The following DEPDC5 variants were observed in gnomAD, a reference collection of about 807,000 sequenced individuals.
DEPDC5 encodes GATOR1 complex protein DEPDC5.
DEPDC5 carries 73 observed loss-of-function variants against 217.3 expected under a neutral mutation model. The ratio of observed to expected loss-of-function variants is 0.34; its 90% CI spans 0.28 to 0.41. DEPDC5 has a LOEUF of 0.41. DEPDC5 is among the 10% of genes least tolerant of loss of function. DEPDC5 has a pLI of 1.00. For missense variants in DEPDC5, 1,675 were observed against 2,070.1 expected (o/e 0.81, Z 3.70); for synonymous variants, 733 against 756.7 (o/e 0.97, Z 0.51).
At chr22:31,847,089 C>T (rs187806615) in intron 31 of DEPDC5, 122 bp downstream of exon 31, 264 of 1,401,068 alleles carry the variant, frequency 1.9e-4, no homozygotes, top group Admixed American at 8.9e-4. Context: ...AGGGAGAAGG[C>T]ATTTATGTGA....
chr22:31,815,807 G>T, intron 21 of DEPDC5: 1 of 1,236,840 alleles, frequency 8.1e-7, no homozygotes, highest in Non-Finnish European at 1.0e-6. Flanking sequence ...GAGATTACAG[G>T]CATGAACCAA....
chr22:31,759,905 A>G (rs561329572), intron 3 of DEPDC5, among the ~76,000 whole-genome samples: 8 of 149,040 alleles, frequency 5.4e-5, no homozygotes, highest in Admixed American at 2.7e-4. Flanking sequence ...CTGGTCTCGA[A>G]CTCCTGACCT....
At position 31,837,353 on chromosome 22, in the gene DEPDC5, T is replaced by C; in HGVS notation, c.2354+198T>C. 35 of 175,038 alleles carry C rather than the reference T, an allele frequency of 2.0e-4. No homozygotes were observed. In the South Asian group the frequency reaches 2.3e-3, roughly 12 times the overall value. The allele number at this position is 175,038 out of a possible 1,614,324, so 10.8% of individuals were successfully genotyped here. A position where few individuals can be genotyped will look rare whatever the true frequency, so the allele number is the denominator to read the frequency against. The stretch of plus-strand genomic sequence containing the variant: ...AATTGTATTTTATCTTTTTTTTTCC[T>C]TTTTTTTTTTTAACTGAGAGAGGGT... On this transcript the variant is annotated intron_variant, in intron 26 of 42. Transcript: ENST00000651528.
At position 31,881,686 on chromosome 22, in the gene DEPDC5, A is replaced by T. The variant is rs536387649; in HGVS notation, c.4033+1934A>T. ...ATAAGGCCAGGCATGTGGCTCATGC[A>T]TGTAATCCCAGCACTTTGGGAGGCT... is the stretch of plus-strand genomic sequence containing the variant. On this transcript the variant is annotated intron_variant, in intron 38 of 42. Transcript: ENST00000651528. 5.7e-4 allele frequency among the ~76,000 whole-genome samples: 86 copies of T among 151,950 alleles called. 1 individual carries two copies. Among genetic ancestry groups the T allele is most frequent in the Middle Eastern group, 6.8e-3 (2 of 292 alleles).
At chr22:31,888,737 A>G (rs1179204230) in intron 38 of DEPDC5, among the ~76,000 whole-genome samples, 1 of 151,820 alleles carries the variant, frequency 6.6e-6, no homozygotes, top group Admixed American at 6.6e-5. Flanking sequence ...TTTTGTGGAG[A>G]CAGGGTCTTT....
intron 8 of DEPDC5, 99 bp from the exon 9 acceptor site, chr22:31,783,808 T>C: frequency 9.9e-7 from 1 of 1,011,974 alleles, no homozygotes; most frequent in Non-Finnish European, 1.5e-6. Flanking sequence ...GTTAAGAACA[T>C]TTACACTGTT....
intron 8 of DEPDC5, among the ~76,000 whole-genome samples, chr22:31,781,849 A>G (rs2084481255): frequency 6.6e-6 from 1 of 152,104 alleles, no homozygotes; most frequent in Non-Finnish European, 1.5e-5. Context: ...AGCCAGGGCA[A>G]CAGAGGGAGA....
At chr22:31,760,426 G>C (rs567523772) in intron 3 of DEPDC5, among the ~76,000 whole-genome samples, 3 of 152,128 alleles carry the variant, frequency 2.0e-5, no homozygotes, top group South Asian at 4.2e-4. Flanking sequence ...GGATGGTCTC[G>C]ATCTCCTGAC....
intron 6 of DEPDC5, among the ~76,000 whole-genome samples, 161 bp downstream of exon 6, chr22:31,766,829 TTCTTTTGA>T (rs1224724034): frequency 6.6e-6 from 1 of 152,204 alleles, no homozygotes; most frequent in Non-Finnish European, 1.5e-5. Flanking sequence ...CTTTTCACTG[TTCTTTTGA>T]TCTTTTGTTT....
At position 31,821,500 on chromosome 22, in the gene DEPDC5, A is replaced by G; in HGVS notation, c.1871-2A>G. 1.9e-6 allele frequency: 3 copies of G among 1,614,154 alleles called. No individual in the cohort carries two copies. Among genetic ancestry groups the G allele is most frequent in the African/African-American group, 1.3e-5 (1 of 75,074 alleles). On this transcript the variant is annotated splice_acceptor_variant, in intron 22 of 42. Transcript: ENST00000651528. LOFTEE classifies it high-confidence loss of function. ...ATGCTCAGTGGTTCTTTATCTGGGT[A>G]GGGCCATCCGGAGAAGCCATCCAGA...
chr22:31,842,753 C>G (rs1351180766), intron 27 of DEPDC5, among the ~76,000 whole-genome samples: 1 of 152,118 alleles, frequency 6.6e-6, no homozygotes, highest in African/African-American at 2.4e-5. Flanking sequence ...GCAGCTTATG[C>G]TGGTGTAGTA....
intron 7 of DEPDC5, among the ~76,000 whole-genome samples, chr22:31,777,098 G>C (rs2083942109): frequency 6.7e-6 from 1 of 150,184 alleles, no homozygotes; most frequent in Non-Finnish European, 1.5e-5. Context: ...TAAGTAGCTG[G>C]GTCTATAGGT....
At chr22:31,804,063 GCTTT>G in intron 15 of DEPDC5, 95 bp from the exon 16 acceptor site, 2 of 1,134,382 alleles carry the variant, frequency 1.8e-6, no homozygotes, top group Non-Finnish European at 2.6e-6. Context: ...TGGTAAGTTA[GCTTT>G]GCCTACTACC....
chr22:31,778,177 T>C lies in DEPDC5; in HGVS notation c.483+9T>C, dbSNP rs748803135. 1.9e-6 allele frequency: 3 copies of C among 1,613,874 alleles called. No individual in the cohort carries two copies. In the South Asian group the frequency reaches 3.3e-5, roughly 18 times the overall value. ...TCAGTGAAGATACCAGGGTAAGATT[T>C]ATAAAATGCTTTTTTGGTTTTATCT... is the stretch of plus-strand genomic sequence containing the variant. On this transcript the variant is annotated intron_variant, in intron 8 of 42. Coordinates refer to ENST00000651528, the MANE Select transcript of DEPDC5 (RefSeq NM_001242896.3).
At position 31,804,228 on chromosome 22, in the gene DEPDC5, T is replaced by A. The variant is rs1411495493; in HGVS notation, c.1143+5T>A. On this transcript the variant is annotated splice_donor_5th_base_variant and intron_variant, in intron 16 of 42. Coordinates refer to ENST00000651528, the MANE Select transcript of DEPDC5 (RefSeq NM_001242896.3). ...CATGCTGTCCCATTGTTCAAGGTAA[T>A]TAGATTTCGGATTTGTTTACTAAAG... 1 of 1,614,028 alleles carries A rather than the reference T, an allele frequency of 6.2e-7. No individual in the cohort carries two copies.
rs763154977 is a variant in DEPDC5, at chr22:31,802,751, A to G, written c.994A>G (p.Met332Val). ...INRNFDRTGQ[M>V]SVVITPGVGV... The stretch of plus-strand genomic sequence containing the variant: ...CCGCAACTTTGACCGAACTGGGCAG[A>G]TGTCAGTGGTGATCACGCCCGGGGT... Residue 332 changes from methionine to valine, a missense_variant, in exon 15 of 43, where the codon ATG becomes GTG. By Grantham distance (21) the Met-to-Val change is conservative (BLOSUM62 1). This residue lies in a region of DEPDC5 where 628 missense variants were observed against 762.1 expected (regional missense o/e 0.82). Coordinates refer to ENST00000651528, the MANE Select transcript of DEPDC5 (RefSeq NM_001242896.3). 6.2e-7 allele frequency: 1 copy of G among 1,604,848 alleles called. No homozygotes were observed. The highest frequency in any genetic ancestry group is 1.1e-5 in the South Asian group (1 of 89,004).
intron 20 of DEPDC5, 114 bp from the exon 21 acceptor site, chr22:31,814,878 G>T: frequency 9.0e-7 from 1 of 1,106,992 alleles, no homozygotes; most frequent in East Asian, 2.4e-5. Context: ...GATCACACTG[G>T]GGATTTTTGT....
chr22:31,856,203 G>GACACAC (rs796449578), intron 31 of DEPDC5, among the ~76,000 whole-genome samples: 3 of 133,680 alleles, frequency 2.2e-5, no homozygotes, highest in African/African-American at 9.3e-5. Flanking sequence ...CATTGCCTAT[G>GACACAC]ACACACACAC....
At chr22:31,892,245 C>A (rs965594252) in intron 38 of DEPDC5, among the ~76,000 whole-genome samples, 2 of 152,150 alleles carry the variant, frequency 1.3e-5, no homozygotes, top group Non-Finnish European at 2.9e-5. Context: ...CTGCCATTTC[C>A]TCATCTGTAA....
Sources: allele counts gnomAD v4.1 joint callset (sites outside exome capture counted in the v4.1 genomes callset), GRCh38; gene constraint gnomAD v4.1.1; regional missense constraint gnomAD v4.1.1; transcripts MANE v1.5; gene names NCBI Gene and HGNC (gene_info 2026-07-23, HGNC 2026-07-21).